Variants in PTPRT observed in about 807,000 individuals in gnomAD.
PTPRT encodes the protein protein tyrosine phosphatase receptor type T.
A neutral mutation model predicts 176.8 loss-of-function variants in PTPRT; 56 were observed. That is an observed-to-expected ratio of 0.32 (90% CI 0.26 to 0.40). The LOEUF is 0.40. Ranked by LOEUF, PTPRT falls within the 10% of genes least tolerant of loss-of-function variation. The probability of loss-of-function intolerance (pLI) is 1.00; values close to 1 mark genes in which losing one functional copy is unlikely to be tolerated. For missense variants in PTPRT, 1,540 were observed against 1,908.2 expected, an observed-to-expected ratio of 0.81 and a Z score of 3.60; for synonymous variants, 783 against 739.0, an observed-to-expected ratio of 1.06 and a Z score of -0.96.
intron 13 of PTPRT, among the ~76,000 whole-genome samples, chr20:42,278,905 A>G (rs2057093029): frequency 6.6e-6 from 1 of 152,152 alleles, no homozygotes; most frequent in African/African-American, 2.4e-5. Context: ...TGTGGCTGAC[A>G]TCTTCAACCT....
intron 5 of PTPRT, among the ~76,000 whole-genome samples, chr20:42,763,758 A>G (rs982475827): frequency 6.6e-5 from 10 of 152,226 alleles, no homozygotes; most frequent in Admixed American, 2.0e-4. Context: ...ATTAAAAGTC[A>G]GAAGAAATAG....
intron 9 of PTPRT, among the ~76,000 whole-genome samples, chr20:42,415,750 T>G (rs2059060428): frequency 6.6e-6 from 1 of 152,202 alleles, no homozygotes; most frequent in Non-Finnish European, 1.5e-5. Flanking sequence ...TTAGCACAAC[T>G]AGTTAGCTAT....
chr20:42,340,442 C>T (rs930945383), intron 11 of PTPRT, among the ~76,000 whole-genome samples: 25 of 152,332 alleles, frequency 1.6e-4, no homozygotes, highest in African/African-American at 5.5e-4. Flanking sequence ...AGTAACCACA[C>T]ATTTTTTTGG....
chr20:43,017,798 G>A (rs1483913665), intron 1 of PTPRT, among the ~76,000 whole-genome samples: 4 of 152,204 alleles, frequency 2.6e-5, no homozygotes, highest in South Asian at 4.1e-4. Flanking sequence ...AGAGGAGGAG[G>A]CAGCTGGCAG....
intron 1 of PTPRT, among the ~76,000 whole-genome samples, chr20:43,116,612 A>C (rs2146351139): frequency 6.6e-6 from 1 of 152,276 alleles, no homozygotes; most frequent in East Asian, 1.9e-4. Flanking sequence ...ATCCTACCTG[A>C]TGAGCCCTCA....
chr20:42,294,978 T>C (rs1322803006), intron 12 of PTPRT, among the ~76,000 whole-genome samples: 1 of 151,954 alleles, frequency 6.6e-6, no homozygotes, highest in Non-Finnish European at 1.5e-5. Flanking sequence ...GAAAAAGTGG[T>C]TTAAAAGTAA....
At chr20:43,100,885 CAT>C (rs2012370448) in intron 1 of PTPRT, among the ~76,000 whole-genome samples, 1 of 151,142 alleles carries the variant, frequency 6.6e-6, no homozygotes, top group Admixed American at 6.6e-5. Context: ...CTCTTGTGCA[CAT>C]GTGTGGGGCT....
intron 17 of PTPRT, among the ~76,000 whole-genome samples, chr20:42,155,305 G>A (rs1337509024): frequency 1.3e-5 from 2 of 152,172 alleles, no homozygotes; most frequent in Non-Finnish European, 2.9e-5. Context: ...ATTTGTCTTG[G>A]GCCTCCTTGA....
At chr20:42,472,138 A>G in intron 8 of PTPRT, 128 bp downstream of exon 8, 2 of 1,104,758 alleles carry the variant, frequency 1.8e-6, no homozygotes, top group Admixed American at 2.6e-5. Flanking sequence ...TTGAAGGCCT[A>G]AGAAAAGAAA....
At chr20:42,132,177 T>C (rs1443234103) in intron 18 of PTPRT, among the ~76,000 whole-genome samples, 1 of 152,202 alleles carries the variant, frequency 6.6e-6, no homozygotes, top group Non-Finnish European at 1.5e-5. Context: ...CTAACTTATG[T>C]CAAGTGAGAT....
At chr20:42,818,799 C>T (rs2077837498) in intron 2 of PTPRT, among the ~76,000 whole-genome samples, 1 of 152,052 alleles carries the variant, frequency 6.6e-6, no homozygotes, top group Non-Finnish European at 1.5e-5. Context: ...GAAAGGATAT[C>T]AGAGTTTGAA....
At chr20:42,973,183 A>T (rs1982752488) in intron 1 of PTPRT, among the ~76,000 whole-genome samples, 1 of 152,014 alleles carries the variant, frequency 6.6e-6, no homozygotes, top group Non-Finnish European at 1.5e-5. Context: ...GGGAGAAAGG[A>T]AGAATGAGGA....
the PTPRT span, among the ~76,000 whole-genome samples, chr20:42,035,759 T>C: frequency 1.9e-4 from 29 of 152,214 alleles, no homozygotes; most frequent in Non-Finnish European, 3.1e-4. Context: ...TAAAAATTGA[T>C]AGTGCTCGGG....
intron 1 of PTPRT, among the ~76,000 whole-genome samples, chr20:42,945,068 T>C (rs1389615838): frequency 1.3e-5 from 2 of 148,624 alleles, no homozygotes; most frequent in Non-Finnish European, 3.0e-5. Flanking sequence ...TTATATATAC[T>C]ATATATTATA....
chr20:42,902,271 C>T (rs956300467), intron 1 of PTPRT, among the ~76,000 whole-genome samples: 2 of 152,152 alleles, frequency 1.3e-5, no homozygotes, highest in African/African-American at 4.8e-5. Flanking sequence ...TGGCAGGCCT[C>T]CCCCAGCAAG....
chr20:42,778,210 C>G (rs567109523), intron 4 of PTPRT, among the ~76,000 whole-genome samples: 1 of 152,276 alleles, frequency 6.6e-6, no homozygotes, highest in African/African-American at 2.4e-5. Context: ...AGAGCCCTCT[C>G]CCATGGAGAT....
At chr20:42,548,492 C>T (rs1266141946) in intron 7 of PTPRT, among the ~76,000 whole-genome samples, 3 of 151,970 alleles carry the variant, frequency 2.0e-5, no homozygotes, top group Non-Finnish European at 4.4e-5. Flanking sequence ...AGATAGATTT[C>T]AAATGGATCA....
chr20:42,507,446 C>G (rs2071866783), intron 7 of PTPRT, among the ~76,000 whole-genome samples: 1 of 152,016 alleles, frequency 6.6e-6, no homozygotes, highest in African/African-American at 2.4e-5. Context: ...GAAGGGAAAG[C>G]CCATCGTGTG....
intron 1 of PTPRT, among the ~76,000 whole-genome samples, chr20:43,171,693 T>G (rs1014834414): frequency 6.6e-6 from 1 of 152,200 alleles, no homozygotes; most frequent in Admixed American, 6.5e-5. Context: ...CACAAATTTC[T>G]GGGTCCCACG....
Sources: gnomAD v4.1 joint callset for allele counts (sites outside exome capture counted in the v4.1 genomes callset) on GRCh38, gnomAD v4.1.1 for gene constraint, MANE v1.5 for transcripts, NCBI Gene and HGNC (gene_info 2026-07-23, HGNC 2026-07-21) for gene names.